Variants in CCDC30 observed in about 807,000 individuals in gnomAD.
CCDC30 encodes coiled-coil domain-containing protein 30.
A neutral mutation model predicts 100.2 loss-of-function variants in CCDC30; 70 were observed. The ratio of observed to expected loss-of-function variants is 0.70; its 90% CI spans 0.58 to 0.85. CCDC30 has a LOEUF of 0.85. Ranked by LOEUF, CCDC30 falls within the 40% of genes least tolerant of loss-of-function variation. CCDC30 has a pLI of 0.00. For missense variants in CCDC30, 652 were observed against 771.2 expected (o/e 0.85, Z 1.83); for synonymous variants, 233 against 269.5 (o/e 0.86, Z 1.33).
At chr1:42,650,996 C>T (rs779411755) in intron 15 of CCDC30, among the ~76,000 whole-genome samples, 10 of 152,204 alleles carry the variant, frequency 6.6e-5, no homozygotes, top group Non-Finnish European at 8.8e-5. Flanking sequence ...TTCAACAAAA[C>T]GGTATTGAGA....
chr1:42,642,140 G>C (rs1421908086), intron 12 of CCDC30, among the ~76,000 whole-genome samples: 1 of 151,764 alleles, frequency 6.6e-6, no homozygotes, highest in Non-Finnish European at 1.5e-5. Flanking sequence ...GCAGGAGAAT[G>C]GCATGAACCT....
intron 3 of CCDC30, 87 bp downstream of exon 3, chr1:42,482,903 AC>A: frequency 5.8e-6 from 5 of 858,498 alleles, no homozygotes; most frequent in Non-Finnish European, 7.7e-6. Flanking sequence ...AAAAAAAAAA[AC>A]ACTGAGAAAC....
chr1:42,497,227 A>C lies in CCDC30; in HGVS notation c.357+14A>C. 8.4e-7 allele frequency: 1 copy of C among 1,188,014 alleles called. No individual in the cohort carries two copies. The highest frequency in any genetic ancestry group is 1.1e-6 in the Non-Finnish European group (1 of 945,870). 73.6% of individuals were successfully genotyped at this position (1,188,014 alleles called of 1,614,324 possible). On this transcript the variant is annotated intron_variant, in intron 5 of 16. Coordinates refer to ENST00000668663, the Ensembl canonical transcript of CCDC30. ...CTTGGTGAAATGGTAAGTTTAATTTACTTCTTAGAACGTATTTAAATGTGT... is the reference window on the plus strand; with the variant it reads ...CTTGGTGAAATGGTAAGTTTAATTTCCTTCTTAGAACGTATTTAAATGTGT...
At chr1:42,624,125 C>T (rs1301066339) in intron 11 of CCDC30, among the ~76,000 whole-genome samples, 3 of 152,108 alleles carry the variant, frequency 2.0e-5, no homozygotes, top group Non-Finnish European at 4.4e-5. Context: ...TCTAGTACTT[C>T]TTTAATGGAG....
At chr1:42,612,854 T>C (rs1646651773) in intron 11 of CCDC30, among the ~76,000 whole-genome samples, 1 of 152,228 alleles carries the variant, frequency 6.6e-6, no homozygotes, top group African/African-American at 2.4e-5. Flanking sequence ...AACATAATCC[T>C]AATTTGGTTA....
At chr1:42,544,764 C>T (rs1318208062) in intron 6 of CCDC30, among the ~76,000 whole-genome samples, 2 of 152,146 alleles carry the variant, frequency 1.3e-5, no homozygotes, top group African/African-American at 4.8e-5. Flanking sequence ...GCCTTGGCCT[C>T]CCAAAGTGCT....
At chr1:42,544,985 T>C (rs998786956) in intron 6 of CCDC30, among the ~76,000 whole-genome samples, 35 of 151,898 alleles carry the variant, frequency 2.3e-4, no homozygotes, top group African/African-American at 8.0e-4. Flanking sequence ...AATATATTTT[T>C]GTTTTTATTA....
At chr1:42,502,279 T>G (rs1044922444) in intron 6 of CCDC30, among the ~76,000 whole-genome samples, 2 of 152,090 alleles carry the variant, frequency 1.3e-5, no homozygotes, top group Non-Finnish European at 2.9e-5. Flanking sequence ...CTCCGAGCCA[T>G]GCGTGGGATA....
intron 3 of CCDC30, among the ~76,000 whole-genome samples, chr1:42,484,370 G>A (rs74595036): frequency 1.3e-5 from 2 of 152,132 alleles, no homozygotes; most frequent in Non-Finnish European, 2.9e-5. Context: ...ACATGAACAC[G>A]ATGAGAAGCA....
chr1:42,640,824 G>A (rs1373665407), intron 12 of CCDC30, among the ~76,000 whole-genome samples: 2 of 152,048 alleles, frequency 1.3e-5, no homozygotes, highest in Non-Finnish European at 2.9e-5. Context: ...AACCCAGCGG[G>A]CAGAGGTTGC....
intron 7 of CCDC30, among the ~76,000 whole-genome samples, chr1:42,567,765 C>G (rs566196311): frequency 6.6e-6 from 1 of 152,242 alleles, no homozygotes; most frequent in East Asian, 1.9e-4. Flanking sequence ...AACAATACTA[C>G]ATATTTCTTA....
rs369951097 is a variant in CCDC30, at chr1:42,617,268, G to A, written c.1277+6178G>A. ...AGCCTAGGGAACGAAGTGAGATCTCGTCTCTACCAAAAAAAAATTTTTTTA... is the reference window on the plus strand; with the variant it reads ...AGCCTAGGGAACGAAGTGAGATCTCATCTCTACCAAAAAAAAATTTTTTTA... On this transcript the variant is annotated intron_variant, in intron 11 of 16. Coordinates refer to ENST00000668663, the Ensembl canonical transcript of CCDC30. Among the ~76,000 whole-genome samples the A allele has an allele frequency of 5.3e-5, 8 of 152,094 alleles. No individual in the cohort carries two copies. The East Asian group carries it at 5.8e-4, about 11-fold the overall frequency.
Position 42,555,317 on chromosome 1 carries a change from C to T in CCDC30, c.457-10979C>T, listed in dbSNP as rs978143348. 2.8e-4 allele frequency among the ~76,000 whole-genome samples: 43 copies of T among 152,320 alleles called. 1 individual carries two copies. Among genetic ancestry groups the T allele is most frequent in the Non-Finnish European group, 4.4e-5 (3 of 68,038 alleles). On this transcript the variant is annotated intron_variant, in intron 6 of 16. Coordinates refer to ENST00000668663, the Ensembl canonical transcript of CCDC30. Reference sequence around the variant, plus strand: ...TACCAACACCCACCTTCCCCAACGTCCATACACACATGCAAGTACATACAC... The same window carrying T: ...TACCAACACCCACCTTCCCCAACGTTCATACACACATGCAAGTACATACAC...
At chr1:42,598,279 G>A (rs996167813) in intron 10 of CCDC30, among the ~76,000 whole-genome samples, 1 of 152,162 alleles carries the variant, frequency 6.6e-6, no homozygotes, top group Non-Finnish European at 1.5e-5. Flanking sequence ...CACTTTGGGA[G>A]GCTGAGGCAG....
chr1:42,460,016 A>G, upstream of CCDC30: 1 of 1,469,860 alleles, frequency 6.8e-7, no homozygotes, highest in South Asian at 1.5e-5. Flanking sequence ...ATATGGACAG[A>G]TAAAATGAAA....
intron 6 of CCDC30, among the ~76,000 whole-genome samples, chr1:42,522,131 G>A (rs1264200352): frequency 3.3e-5 from 5 of 152,066 alleles, no homozygotes; most frequent in Non-Finnish European, 7.4e-5. Flanking sequence ...TACAATGTAA[G>A]TGTTGTATAA....
At chr1:42,525,728 A>G (rs1052903332) in intron 6 of CCDC30, among the ~76,000 whole-genome samples, 1 of 152,114 alleles carries the variant, frequency 6.6e-6, no homozygotes, top group Non-Finnish European at 1.5e-5. Flanking sequence ...TGAATAGCTT[A>G]ATTCTTTCTG....
rs1362918032 is a variant in CCDC30 at position 42,634,410 on chromosome 1, A to G, written c.1278-2827A>G. ...GATGCTACTAAGCATTCTACAGTGC[A>G]CATTATAGCCTTCCACAGCAAATAT... On this transcript the variant is annotated intron_variant, in intron 11 of 16. Transcript: ENST00000668663. Among the ~76,000 whole-genome samples, 3 of 152,336 alleles carry G rather than the reference A, an allele frequency of 2.0e-5. No homozygotes were observed. In the East Asian group the frequency reaches 5.8e-4, roughly 29 times the overall value.
chr1:42,467,034 A>C (rs905192868), intron 1 of CCDC30, among the ~76,000 whole-genome samples: 1 of 152,206 alleles, frequency 6.6e-6, no homozygotes, highest in Non-Finnish European at 1.5e-5. Flanking sequence ...GCACCATTCC[A>C]GGTAGAGTGA....
Sources: allele counts gnomAD v4.1 joint callset (sites outside exome capture counted in the v4.1 genomes callset), GRCh38; gene constraint gnomAD v4.1.1; transcripts MANE v1.5; gene names NCBI Gene and HGNC (gene_info 2026-07-23, HGNC 2026-07-21).